URI1: variants seen among roughly 807,000 people sequenced by gnomAD.
URI1 encodes URI1 prefoldin like chaperone, also known as unconventional prefoldin RPB5 interactor 1.
A neutral mutation model predicts 60.2 loss-of-function variants in URI1; 39 were observed. The ratio of observed to expected loss-of-function variants is 0.65; its 90% CI spans 0.50 to 0.85. URI1 has a LOEUF of 0.85. URI1 is among the 40% of genes least tolerant of loss of function. The probability of loss-of-function intolerance (pLI) is 0.00; values close to 1 mark genes in which losing one functional copy is unlikely to be tolerated. For synonymous variants in URI1, 251 were observed against 236.8 expected (o/e 1.06, Z -0.55); for missense variants, 691 against 665.9 (o/e 1.04, Z -0.42).
At chr19:29,931,148 C>T (rs190034041) in intron 1 of URI1, among the ~76,000 whole-genome samples, 4 of 152,162 alleles carry the variant, frequency 2.6e-5, no homozygotes, top group Admixed American at 1.3e-4. Flanking sequence ...ACCAGTTTGC[C>T]TACTTCTGCA....
At chr19:29,989,989 T>A (rs2055726034) in intron 4 of URI1, among the ~76,000 whole-genome samples, 1 of 152,176 alleles carries the variant, frequency 6.6e-6, no homozygotes. Context: ...TTTTCTTCTG[T>A]GTTTTCTTCT....
chr19:29,998,708 G>A (rs1054415371), intron 4 of URI1, among the ~76,000 whole-genome samples: 2 of 152,058 alleles, frequency 1.3e-5, no homozygotes, highest in Non-Finnish European at 2.9e-5. Flanking sequence ...AGATCTACAA[G>A]TGAGTCTCTT....
At chr19:29,946,799 A>G (rs1212658362) in intron 1 of URI1, among the ~76,000 whole-genome samples, 1 of 152,224 alleles carries the variant, frequency 6.6e-6, no homozygotes, top group Non-Finnish European at 1.5e-5. Context: ...TTTATGTAAC[A>G]AATATTTAAT....
rs2056070480 is a variant in URI1, at chr19:30,015,154, AGTT to A, written c.*86_*88del. ...ATCTATAGCAAAATAGGTTACATGTAGTTTGAAATAAGGTATCCTGAGTTACTT... is the reference window on the plus strand; with the variant it reads ...ATCTATAGCAAAATAGGTTACATGTATGAAATAAGGTATCCTGAGTTACTT... On this transcript the variant is annotated 3_prime_UTR_variant, in exon 11 of 11. Transcript: ENST00000392271. 6.6e-7 allele frequency: 1 copy of A among 1,508,266 alleles called. No individual in the cohort carries two copies. The highest frequency in any genetic ancestry group is 8.8e-7 in the Non-Finnish European group (1 of 1,131,632). The allele number at this position is 1,508,266 out of a possible 1,614,324, so 93.4% of individuals were successfully genotyped here.
In URI1 at chr19:30,016,607, C is replaced by T. The variant is rs1338923686; in HGVS notation, c.*1538C>T. 1 of 152,002 alleles carries T rather than the reference C, an allele frequency of 6.6e-6. No homozygotes were observed. The highest frequency in any genetic ancestry group is 1.5e-5 in the Non-Finnish European group (1 of 67,940). The allele number at this position is 152,002 out of a possible 1,614,324, so 9.4% of individuals were successfully genotyped here. A position where few individuals can be genotyped will look rare whatever the true frequency, so the allele number is the denominator to read the frequency against. ...GTGTCATTAAATAATTTTTCATGTT[C>T]ACAGACTTGATTTTGAGCCTGTCTA... On this transcript the variant is annotated 3_prime_UTR_variant, in exon 11 of 11. Transcript: ENST00000392271.
chr19:29,966,932 G>T (rs1301502257), intron 1 of URI1, among the ~76,000 whole-genome samples: 1 of 152,256 alleles, frequency 6.6e-6, no homozygotes, highest in Middle Eastern at 3.4e-3. Flanking sequence ...AAGCATTTTT[G>T]AGAAAAGTAT....
In URI1 at chr19:30,009,233, T is replaced by TGAC. The variant is rs769141640; in HGVS notation, c.917_918insCGA (p.Asp311dup). 26 of 1,602,580 alleles carry TGAC rather than the reference T, an allele frequency of 1.6e-5. No homozygotes were observed. The highest frequency in any genetic ancestry group is 2.1e-5 in the Non-Finnish European group (24 of 1,170,732). On this transcript the variant is annotated inframe_insertion, in exon 8 of 11. Coordinates refer to ENST00000392271, the MANE Select transcript of URI1 (RefSeq NM_003796.3). ...ACAGTGATGATGATGATGATGATGA[T>TGAC]GATGACGACGACGACGACAACATTG...
chr19:30,000,714 T>C (rs977793997), intron 4 of URI1, among the ~76,000 whole-genome samples: 1 of 152,006 alleles, frequency 6.6e-6, no homozygotes, highest in African/African-American at 2.4e-5. Flanking sequence ...TTATTCCCCA[T>C]GATCTGGAAT....
At chr19:29,926,905 A>G (rs1039053037) in intron 1 of URI1, among the ~76,000 whole-genome samples, 2 of 152,192 alleles carry the variant, frequency 1.3e-5, no homozygotes, top group African/African-American at 2.4e-5. Flanking sequence ...AGGCTCATGC[A>G]TGGCTCGGGA....
At chr19:30,013,841 G>A (rs1394985657) in intron 10 of URI1, among the ~76,000 whole-genome samples, 1 of 152,108 alleles carries the variant, frequency 6.6e-6, no homozygotes, top group Non-Finnish European at 1.5e-5. Context: ...GCTTTAAGCT[G>A]CTTTTACCAG....
intron 10 of URI1, among the ~76,000 whole-genome samples, chr19:30,013,216 T>C (rs2056045177): frequency 6.6e-6 from 1 of 152,212 alleles, no homozygotes; most frequent in African/African-American, 2.4e-5. Flanking sequence ...TTAAAAAGTA[T>C]TTAGGAAGAT....
At chr19:29,985,891 A>G (rs147861029) in intron 3 of URI1, among the ~76,000 whole-genome samples, 2 of 152,278 alleles carry the variant, frequency 1.3e-5, no homozygotes, top group African/African-American at 2.4e-5. Flanking sequence ...AAAAGTGTCT[A>G]CTTTATTGAA....
At chr19:29,973,869 T>A (rs1414633470) in intron 2 of URI1, among the ~76,000 whole-genome samples, 1 of 152,180 alleles carries the variant, frequency 6.6e-6, no homozygotes, top group Non-Finnish European at 1.5e-5. Context: ...TTAGTGAGGA[T>A]TTAAAAAATG....
At chr19:29,992,854 A>G (rs944061827) in intron 4 of URI1, among the ~76,000 whole-genome samples, 11 of 152,224 alleles carry the variant, frequency 7.2e-5, no homozygotes, top group Admixed American at 2.6e-4. Context: ...ACACCGGTAT[A>G]TAGAATGACT....
At chr19:29,965,807 G>A (rs926856485) in intron 1 of URI1, among the ~76,000 whole-genome samples, 1 of 152,082 alleles carries the variant, frequency 6.6e-6, no homozygotes, top group African/African-American at 2.4e-5. Context: ...AAAGAGCCCA[G>A]TTTGTAGGTA....
rs145433944 is a variant in URI1 at position 29,986,348 on chromosome 19, C to G, written c.298C>G (p.Leu100Val). 6 of 1,610,660 alleles carry G rather than the reference C, an allele frequency of 3.7e-6. No individual in the cohort carries two copies. In the African/African-American group the frequency reaches 6.7e-5, roughly 18 times the overall value. Residue 100 changes from leucine to valine, a missense_variant, in exon 4 of 11, where the codon CTG becomes GTG. Transcript: ENST00000392271. ...CCATACTAATGAAGTCACTGTTTTA[C>G]TGGGGGACAACTGGTTTGCAAAGTG... ...LVHTNEVTVL[L>V]GDNWFAKCSA...
At chr19:29,969,001 T>C (rs2055425555) in intron 1 of URI1, among the ~76,000 whole-genome samples, 1 of 152,116 alleles carries the variant, frequency 6.6e-6, no homozygotes, top group Non-Finnish European at 1.5e-5. Flanking sequence ...ATAAATCATA[T>C]AAACAAAGAT....
chr19:29,994,654 C>T (rs1486022576), intron 4 of URI1, among the ~76,000 whole-genome samples: 2 of 151,848 alleles, frequency 1.3e-5, no homozygotes, highest in African/African-American at 4.8e-5. Flanking sequence ...GTGAATTATT[C>T]TGTTCGCTAT....
At chr19:29,957,365 C>A (rs2055262651) in intron 1 of URI1, among the ~76,000 whole-genome samples, 1 of 148,456 alleles carries the variant, frequency 6.7e-6, no homozygotes. Flanking sequence ...ACAAAAAATT[C>A]TAGGGATTCT....
Sources: allele counts gnomAD v4.1 joint callset (sites outside exome capture counted in the v4.1 genomes callset), GRCh38; gene constraint gnomAD v4.1.1; transcripts MANE v1.5; gene names NCBI Gene and HGNC (gene_info 2026-07-23, HGNC 2026-07-21).